Variants in CEP70 observed in about 807,000 individuals in gnomAD.
CEP70 encodes the protein centrosomal protein of 70 kDa.
CEP70 carries 70 observed loss-of-function variants against 90.9 expected under a neutral mutation model. The observed-to-expected ratio is 0.77, with a 90% CI of 0.64 to 0.94. CEP70 has a LOEUF of 0.94. CEP70 is among the 40% of genes least tolerant of loss of function. The pLI, the probability that CEP70 is intolerant of heterozygous loss-of-function variation, is 0.00. For synonymous variants in CEP70, 220 were observed against 228.3 expected (o/e 0.96, Z 0.33); for missense variants, 648 against 669.0 (o/e 0.97, Z 0.35).
intron 6 of CEP70, among the ~76,000 whole-genome samples, chr3:138,566,086 C>T (rs1341597370): frequency 1.3e-5 from 2 of 152,174 alleles, no homozygotes; most frequent in Non-Finnish European, 2.9e-5. Context: ...AGCTCATTAT[C>T]ACTGGTCATT....
At chr3:138,585,292 A>G (rs2042055294) in intron 2 of CEP70, among the ~76,000 whole-genome samples, 1 of 152,220 alleles carries the variant, frequency 6.6e-6, no homozygotes. Context: ...TCCCATTTAC[A>G]ATAGCCACAA....
At chr3:138,509,445 A>T (rs1221476067) in intron 11 of CEP70, among the ~76,000 whole-genome samples, 4 of 152,190 alleles carry the variant, frequency 2.6e-5, no homozygotes, top group Non-Finnish European at 5.9e-5. Flanking sequence ...AGGGGAAAGG[A>T]GAGTCTCTTC....
At chr3:138,581,922 AAAT>A (rs1037953306) in intron 2 of CEP70, among the ~76,000 whole-genome samples, 7 of 152,176 alleles carry the variant, frequency 4.6e-5, no homozygotes, top group African/African-American at 1.7e-4. Flanking sequence ...GAAAAGAAAC[AAAT>A]AATATACAAT....
intron 2 of CEP70, among the ~76,000 whole-genome samples, chr3:138,574,547 G>T (rs1451055920): frequency 2.0e-5 from 3 of 152,350 alleles, no homozygotes; most frequent in African/African-American, 4.8e-5. Context: ...AGAAACTTCT[G>T]CAGACTTAAA....
rs539964538 is a variant in CEP70 at position 138,508,878 on chromosome 3, C to T, written c.945-334G>A. On this transcript the variant is annotated intron_variant, in intron 11 of 17. Transcript: ENST00000264982. ...CCTCCTGAGTAGCTGGGACTACAGG[C>T]GCCCGCCACCATGCCTGGCTAATTT... 4.4e-3 allele frequency among the ~76,000 whole-genome samples: 670 copies of T among 151,910 alleles called. 6 individuals carry two copies. Among genetic ancestry groups the T allele is most frequent in the Middle Eastern group, 0.041 (12 of 294 alleles).
At chr3:138,533,611 A>C (rs905923752) in intron 7 of CEP70, among the ~76,000 whole-genome samples, 17 of 152,098 alleles carry the variant, frequency 1.1e-4, no homozygotes, top group African/African-American at 4.1e-4. Context: ...ACAAAGAAGA[A>C]CTGTCTCACT....
At chr3:138,569,902 A>G (rs980457702) in intron 6 of CEP70, among the ~76,000 whole-genome samples, 1 of 152,182 alleles carries the variant, frequency 6.6e-6, no homozygotes, top group Non-Finnish European at 1.5e-5. Flanking sequence ...AAAGTTGTAG[A>G]TGCCTATTAG....
chr3:138,503,611 C>T (rs2108682376), intron 13 of CEP70, among the ~76,000 whole-genome samples: 1 of 152,278 alleles, frequency 6.6e-6, no homozygotes, highest in African/African-American at 2.4e-5. Flanking sequence ...TGCTCAAAAT[C>T]CATGAGTTAC....
intron 6 of CEP70, among the ~76,000 whole-genome samples, chr3:138,563,897 A>G (rs946704941): frequency 2.0e-5 from 3 of 152,232 alleles, no homozygotes; most frequent in African/African-American, 7.2e-5. Flanking sequence ...AAAAAAATCA[A>G]TGAATCCAGG....
At chr3:138,537,106 A>T in intron 7 of CEP70, 72 bp downstream of exon 7, 1 of 1,101,070 alleles carries the variant, frequency 9.1e-7, no homozygotes, top group Non-Finnish European at 1.2e-6. Context: ...CCCCCAAGAT[A>T]ATATCAGGTA....
intron 6 of CEP70, among the ~76,000 whole-genome samples, chr3:138,552,589 T>C (rs2039701152): frequency 6.6e-6 from 1 of 151,954 alleles, no homozygotes; most frequent in African/African-American, 2.4e-5. Flanking sequence ...GGGTCAACAA[T>C]AAAATCAAGA....
At chr3:138,530,897 A>G in intron 8 of CEP70, 6 of 967,634 alleles carry the variant, frequency 6.2e-6, no homozygotes, top group Non-Finnish European at 7.4e-6. Context: ...CTGAGTTTAT[A>G]ATATAAACTC....
chr3:138,559,776 C>T (rs1273460105), intron 6 of CEP70, among the ~76,000 whole-genome samples: 1 of 152,036 alleles, frequency 6.6e-6, no homozygotes, highest in Non-Finnish European at 1.5e-5. Context: ...TAAAGGTAGT[C>T]AGAGATATTA....
intron 5 of CEP70, 140 bp downstream of exon 5, chr3:138,570,894 T>G: frequency 1.6e-6 from 1 of 615,232 alleles, no homozygotes; most frequent in Non-Finnish European, 2.6e-6. Context: ...AAGATTTACC[T>G]ATTAAAATTT....
At chr3:138,515,129 T>C (rs895086147) in intron 11 of CEP70, among the ~76,000 whole-genome samples, 9 of 152,176 alleles carry the variant, frequency 5.9e-5, no homozygotes, top group Non-Finnish European at 1.3e-4. Context: ...TCACTATGAA[T>C]GCTGAATTAG....
intron 16 of CEP70, 136 bp downstream of exon 16, chr3:138,499,974 C>T (rs2034336665): frequency 4.5e-6 from 3 of 664,042 alleles, no homozygotes; most frequent in Non-Finnish European, 8.3e-6. Context: ...GTCTCACTGC[C>T]TTGCTCAGAC....
chr3:138,572,751 A>T, intron 3 of CEP70, 108 bp downstream of exon 3: 1 of 788,472 alleles, frequency 1.3e-6, no homozygotes. Context: ...GCATTTCCTA[A>T]AATTATTTGA....
chr3:138,568,710 G>C (rs2040950172), intron 6 of CEP70, among the ~76,000 whole-genome samples: 1 of 152,142 alleles, frequency 6.6e-6, no homozygotes, highest in Non-Finnish European at 1.5e-5. Flanking sequence ...GCCGGGCGCA[G>C]TGGCTCACAC....
At chr3:138,554,683 C>G (rs971816314) in intron 6 of CEP70, among the ~76,000 whole-genome samples, 8 of 152,172 alleles carry the variant, frequency 5.3e-5, no homozygotes, top group African/African-American at 1.2e-4. Flanking sequence ...AGTGACCAAG[C>G]TGAGAATCTA....
Sources: allele counts gnomAD v4.1 joint callset (sites outside exome capture counted in the v4.1 genomes callset), GRCh38; gene constraint gnomAD v4.1.1; transcripts MANE v1.5; gene names NCBI Gene and HGNC (gene_info 2026-07-23, HGNC 2026-07-21).